The following ABCC4 variants were observed in gnomAD, a reference collection of about 807,000 sequenced individuals.
ABCC4 encodes ATP-binding cassette sub-family C member 4.
In ABCC4, 102 loss-of-function variants were observed where a neutral mutation model predicts 168.5. The observed-to-expected ratio is 0.61, with a 90% CI of 0.52 to 0.71. The LOEUF (loss-of-function observed/expected upper bound fraction) is 0.71, where lower values mean the gene tolerates loss of function less well. Among genes scored for constraint, ABCC4 ranks in the 30% least tolerant of loss-of-function variants. The pLI is 0.00. For missense variants in ABCC4, 1,402 were observed against 1,605.8 expected (o/e 0.87, Z 2.17); for synonymous variants, 617 against 590.7 (o/e 1.04, Z -0.65).
At chr13:95,177,597 A>T in intron 13 of ABCC4, 110 bp downstream of exon 13, 1 of 771,752 alleles carries the variant, frequency 1.3e-6, no homozygotes, top group Non-Finnish European at 2.1e-6. Context: ...CAGTGTGGGG[A>T]GGGGAGCGGA....
chr13:95,034,652 G>A lies in ABCC4; in HGVS notation c.3823C>T (p.Gln1275Ter). Residue 1275 changes from glutamine to a stop codon, truncating the protein, a stop_gained, in exon 30 of 31, where the codon CAA becomes TAA. Coordinates refer to ENST00000645237, the MANE Select transcript of ABCC4 (RefSeq NM_005845.5). LOFTEE classifies it high-confidence loss of function. ...KESLFYKMVQ[Q>*]LGKAEAAALT... ...GCAGCGGCTTCTGCCTTGCCCAGTT[G>A]TTGCACCATCTTGTAAAATAGGCTC... is the stretch of plus-strand genomic sequence containing the variant. The A allele has an allele frequency of 1.2e-6, 2 of 1,614,204 alleles. No individual in the cohort carries two copies. The highest frequency in any genetic ancestry group is 1.7e-6 in the Non-Finnish European group (2 of 1,180,046).
intron 9 of ABCC4, among the ~76,000 whole-genome samples, chr13:95,188,889 A>AT (rs1566507448): frequency 6.6e-6 from 1 of 151,974 alleles, no homozygotes; most frequent in Non-Finnish European, 1.5e-5. Flanking sequence ...ATATATATAT[A>AT]TTTTTTACTT....
chr13:95,107,217 A>G (rs2035038661), intron 20 of ABCC4, among the ~76,000 whole-genome samples: 1 of 152,178 alleles, frequency 6.6e-6, no homozygotes. Flanking sequence ...AGATGGCACC[A>G]TTGCACTCCA....
At chr13:95,189,740 A>C (rs2038195810) in intron 9 of ABCC4, among the ~76,000 whole-genome samples, 1 of 152,178 alleles carries the variant, frequency 6.6e-6, no homozygotes, top group African/African-American at 2.4e-5. Flanking sequence ...CCAAAAACTG[A>C]AGAATAATGA....
chr13:95,094,253 G>C (rs772555363), intron 20 of ABCC4, among the ~76,000 whole-genome samples: 4 of 152,088 alleles, frequency 2.6e-5, no homozygotes, highest in Non-Finnish European at 5.9e-5. Flanking sequence ...CAAATCTGGA[G>C]GCATCACACT....
At position 95,213,106 on chromosome 13, in the gene ABCC4, G is replaced by A. The variant is rs540573867; in HGVS notation, c.532-2325C>T. 1.9e-4 allele frequency among the ~76,000 whole-genome samples: 26 copies of A among 139,958 alleles called. No individual in the cohort carries two copies. In the South Asian group the frequency reaches 3.8e-3, roughly 21 times the overall value. 91.8% of individuals were successfully genotyped at this position (139,958 alleles called of 152,430 possible). ...CGTGCCATTACACTCCAGCTTCGGC[G>A]ACTGAGCAAGATTCCATCTTAAAAA... On this transcript the variant is annotated intron_variant, in intron 4 of 30. Coordinates refer to ENST00000645237, the MANE Select transcript of ABCC4 (RefSeq NM_005845.5).
At chr13:95,071,208 C>A (rs2033713157) in intron 25 of ABCC4, among the ~76,000 whole-genome samples, 1 of 152,124 alleles carries the variant, frequency 6.6e-6, no homozygotes, top group South Asian at 2.1e-4. Flanking sequence ...CTGTAAATTG[C>A]CTAGTCTTGG....
At chr13:95,278,048 C>G (rs1229567932) in intron 1 of ABCC4, among the ~76,000 whole-genome samples, 4 of 152,184 alleles carry the variant, frequency 2.6e-5, no homozygotes, top group South Asian at 2.1e-4. Context: ...CCCCCTACCC[C>G]ACCGCGGTCA....
chr13:95,208,883 G>C (rs899365384), intron 6 of ABCC4, among the ~76,000 whole-genome samples: 1 of 152,038 alleles, frequency 6.6e-6, no homozygotes, highest in Non-Finnish European at 1.5e-5. Context: ...GCCTCCCAAA[G>C]TGTTGGGATT....
intron 13 of ABCC4, among the ~76,000 whole-genome samples, chr13:95,174,219 A>G (rs1396902077): frequency 2.6e-5 from 4 of 152,232 alleles, no homozygotes; most frequent in Non-Finnish European, 4.4e-5. Context: ...AAATCCACTT[A>G]GTGTTTGCAA....
intron 30 of ABCC4, among the ~76,000 whole-genome samples, chr13:95,026,888 CA>C (rs35654581): frequency 0.83 from 118,222 of 142,502 alleles, 48,931 homozygotes; most frequent in East Asian, 0.98. Context: ...GACCCTGTCT[CA>C]AAAAAAAAAA....
At chr13:95,161,432 T>A in intron 18 of ABCC4, 97 bp from the exon 19 acceptor site, 1 of 960,664 alleles carries the variant, frequency 1.0e-6, no homozygotes, top group Non-Finnish European at 1.5e-6. Flanking sequence ...AGATGTTACT[T>A]AATTTATTCC....
intron 1 of ABCC4, among the ~76,000 whole-genome samples, chr13:95,274,306 G>A (rs144766196): frequency 2.4e-4 from 36 of 152,282 alleles, no homozygotes; most frequent in African/African-American, 8.4e-4. Context: ...TGGCTGGGGA[G>A]AGACTGTCCT....
chr13:95,296,135 AACAC>A (rs753316849), intron 1 of ABCC4, among the ~76,000 whole-genome samples: 4,013 of 98,854 alleles, frequency 0.041, 169 homozygotes, highest in African/African-American at 0.13. Context: ...CCTGTCTCAA[AACAC>A]ACACACACAC....
intron 1 of ABCC4, among the ~76,000 whole-genome samples, chr13:95,252,267 A>C (rs752035617): frequency 3.9e-5 from 6 of 152,236 alleles, no homozygotes; most frequent in Admixed American, 2.0e-4. Flanking sequence ...CTGGTTTAAG[A>C]GTGAACCTTC....
At chr13:95,074,071 C>T (rs1396513654) in intron 23 of ABCC4, 143 bp downstream of exon 23, 1 of 664,046 alleles carries the variant, frequency 1.5e-6, no homozygotes, top group Non-Finnish European at 2.5e-6. Context: ...TCCTACCCAA[C>T]CTGACACATC....
chr13:95,236,704 C>A (rs2039783995), intron 3 of ABCC4, among the ~76,000 whole-genome samples: 1 of 152,124 alleles, frequency 6.6e-6, no homozygotes, highest in South Asian at 2.1e-4. Context: ...TCAGAAAATA[C>A]CATTTAGTTG....
At chr13:95,280,571 T>C (rs898015209) in intron 1 of ABCC4, among the ~76,000 whole-genome samples, 2 of 55,482 alleles carry the variant, frequency 3.6e-5, no homozygotes, top group African/African-American at 6.8e-5. Flanking sequence ...TTGCCTTCTA[T>C]TAAAAAAAAA....
At position 95,207,937 on chromosome 13, in the gene ABCC4, C is replaced by T; in HGVS notation, c.786-12G>A. 6.2e-7 allele frequency: 1 copy of T among 1,611,360 alleles called. No individual in the cohort carries two copies. The highest frequency in any genetic ancestry group is 8.5e-7 in the Non-Finnish European group (1 of 1,179,386). ...TTGCAGTTTTACTCCTAAGGGGAAC[C>T]AGACACGGGAGATGAGCCTGAGCGA... On this transcript the variant is annotated splice_polypyrimidine_tract_variant and intron_variant, in intron 6 of 30. Coordinates refer to ENST00000645237, the MANE Select transcript of ABCC4 (RefSeq NM_005845.5).
Sources: gnomAD v4.1 joint callset for allele counts (sites outside exome capture counted in the v4.1 genomes callset) on GRCh38, gnomAD v4.1.1 for gene constraint, MANE v1.5 for transcripts, NCBI Gene and HGNC (gene_info 2026-07-23, HGNC 2026-07-21) for gene names.